The following PFAS variants were observed in gnomAD, a reference collection of about 807,000 sequenced individuals.
PFAS encodes the protein FGAM synthase.
In PFAS, 97 loss-of-function variants were observed where a neutral mutation model predicts 140.6. The observed-to-expected ratio is 0.69, with a 90% CI of 0.59 to 0.82. PFAS has a LOEUF of 0.82. Ranked by LOEUF, PFAS falls within the 40% of genes least tolerant of loss-of-function variation. PFAS has a pLI of 0.00. For missense variants in PFAS, 1,656 were observed against 1,780.2 expected (o/e 0.93, Z 1.26); for synonymous variants, 679 against 718.8 (o/e 0.94, Z 0.88).
At chr17:8,254,143 G>A in intron 2 of PFAS, 23 bp from the exon 3 acceptor site, 1 of 1,614,100 alleles carries the variant, frequency 6.2e-7, no homozygotes, top group South Asian at 1.1e-5. Flanking sequence ...GTCTCAAGGT[G>A]TCCTTGCCCT....
In PFAS at chr17:8,269,001, A is replaced by C; in HGVS notation, c.3754A>C (p.Arg1252=). 6.2e-7 allele frequency: 1 copy of C among 1,614,182 alleles called. No homozygotes were observed. The highest frequency in any genetic ancestry group is 1.3e-5 in the African/African-American group (1 of 75,056). Residue 1252 remains arginine, a synonymous_variant, in exon 28 of 28, where the codon AGG becomes CGG. Transcript: ENST00000314666. The part of the protein sequence containing the change: ...SPELQAQIEA[R]GLAPLHWADD... ...GGAACTCCAAGCTCAGATTGAGGCC[A>C]GGGGCTTGGCTCCACTGCACTGGGC...
In PFAS at chr17:8,257,907, T is replaced by G; in HGVS notation, c.1176T>G (p.Tyr392Ter). The G allele has an allele frequency of 6.2e-7, 1 of 1,614,126 alleles. No homozygotes were observed. Among genetic ancestry groups the G allele is most frequent in the South Asian group, 1.1e-5 (1 of 91,076 alleles). ...AIEASNGASD[Y>*]GNKFGEPVLA... is the part of the protein sequence containing the mutation. ...AAGCCAGTAATGGAGCTTCTGACTATGGCAACAAGTTTGGGGAACCAGTGC... is the reference window on the plus strand; with the variant it reads ...AAGCCAGTAATGGAGCTTCTGACTAGGGCAACAAGTTTGGGGAACCAGTGC... The change falls in exon 10 of 28, where the codon TAT (tyrosine) becomes TAG (stop). Residue 392 changes from tyrosine to a stop codon, truncating the protein, a stop_gained. Coordinates refer to ENST00000314666, the MANE Select transcript of PFAS (RefSeq NM_012393.3). LOFTEE classifies it high-confidence loss of function.
rs1989880867 is a variant in PFAS at position 8,267,832 on chromosome 17, A to C, written c.3382+167A>C. 6.7e-6 allele frequency among the ~76,000 whole-genome samples: 1 copy of C among 150,016 alleles called. No homozygotes were observed. The highest frequency in any genetic ancestry group is 6.7e-5 in the Admixed American group (1 of 14,914). ...AACAGAAGGCTGGTAGTAAATTTTTAATTTTTTCATTGAAAAAAAGTATAT... is the reference window on the plus strand; with the variant it reads ...AACAGAAGGCTGGTAGTAAATTTTTCATTTTTTCATTGAAAAAAAGTATAT... On this transcript the variant is annotated intron_variant, in intron 26 of 27. Coordinates refer to ENST00000314666, the MANE Select transcript of PFAS (RefSeq NM_012393.3). This position sits in a 1 kb window ranked among gnomAD's most constrained non-coding sequence, Gnocchi z 4.9.
At position 8,263,480 on chromosome 17, in the gene PFAS, C is replaced by T. The variant is rs933402196; in HGVS notation, c.1568-95C>T. 2.6e-6 allele frequency: 3 copies of T among 1,159,616 alleles called. No homozygotes were observed. The African/African-American group carries it at 4.5e-5, about 18-fold the overall frequency. The allele number at this position is 1,159,616 out of a possible 1,614,324, so 71.8% of individuals were successfully genotyped here. ...GGTGCGGCAGCAGTTGACACAGGAA[C>T]ACACCAAATTACAGGCCCCTTTGGA... is the stretch of plus-strand genomic sequence containing the variant. On this transcript the variant is annotated intron_variant, in intron 13 of 27. Coordinates refer to ENST00000314666, the MANE Select transcript of PFAS (RefSeq NM_012393.3).
intron 11 of PFAS, among the ~76,000 whole-genome samples, chr17:8,260,884 A>T (rs554926878): frequency 6.6e-6 from 1 of 152,238 alleles, no homozygotes; most frequent in Non-Finnish European, 1.5e-5. Flanking sequence ...TCAGCCTCCC[A>T]AAGTGCTGGG....
Position 8,257,951 on chromosome 17 carries a change from T to C in PFAS, c.1207+13T>C, listed in dbSNP as rs747692774. 6.2e-7 allele frequency: 1 copy of C among 1,612,788 alleles called. No individual in the cohort carries two copies. Among genetic ancestry groups the C allele is most frequent in the Admixed American group, 1.7e-5 (1 of 59,930 alleles). ...CCAGTGCTGGCTGGTGAGGCTGGGGTGTGGAGGGATGACAAACACCCAGAG... is the reference window on the plus strand; with the variant it reads ...CCAGTGCTGGCTGGTGAGGCTGGGGCGTGGAGGGATGACAAACACCCAGAG... On this transcript the variant is annotated intron_variant, in intron 10 of 27. Transcript: ENST00000314666.
At chr17:8,263,454 G>A in intron 13 of PFAS, 121 bp from the exon 14 acceptor site, 1 of 1,026,758 alleles carries the variant, frequency 9.7e-7, no homozygotes, top group Non-Finnish European at 1.5e-6. Context: ...TTGGTGGTAA[G>A]GGTGCGGCAG....
Position 8,256,563 on chromosome 17 carries a change from G to A in PFAS, c.861G>A (p.Glu287=). The A allele has an allele frequency of 6.2e-7, 1 of 1,614,134 alleles. No homozygotes were observed. Among genetic ancestry groups the A allele is most frequent in the South Asian group, 1.1e-5 (1 of 91,092 alleles). Residue 287 remains glutamate (E), a synonymous_variant, in exon 8 of 28, where the codon GAG becomes GAA. Coordinates refer to ENST00000314666, the MANE Select transcript of PFAS (RefSeq NM_012393.3). ...AGGAAGTCCGATTCCTACGGCCTGA[G>A]GACCCCACACGGCCAAGCCGCTTCC... is the stretch of plus-strand genomic sequence containing the variant. ...QGKEVRFLRP[E]DPTRPSRFQQ... is the part of the protein sequence containing the mutation.
Position 8,265,456 on chromosome 17 carries a change from G to T in PFAS, c.2449G>T (p.Val817Leu). ...SMAARVGTET[V>L]RAPGSLVISA... ...GGCTGCTCGGGTTGGCACTGAGACCGTGCGGGCTCCTGGTGAGGTGTGGGA... is the reference window on the plus strand; with the variant it reads ...GGCTGCTCGGGTTGGCACTGAGACCTTGCGGGCTCCTGGTGAGGTGTGGGA... Residue 817 changes from valine to leucine, a missense_variant, in exon 19 of 28, where the codon GTG (valine) becomes TTG (leucine). By Grantham distance (32) the Val-to-Leu change is conservative (BLOSUM62 1). This residue lies in a region of PFAS where 883 missense variants were observed against 1,023.0 expected (regional missense o/e 0.86). Transcript: ENST00000314666. 1 of 1,613,632 alleles carries T rather than the reference G, an allele frequency of 6.2e-7. No homozygotes were observed. The highest frequency in any genetic ancestry group is 1.1e-5 in the South Asian group (1 of 91,056).
rs557128555 is a variant in PFAS, at chr17:8,253,578, T to C, written c.-79-281T>C. Among the ~76,000 whole-genome samples the C allele has an allele frequency of 5.3e-5, 8 of 152,318 alleles. No homozygotes were observed. The East Asian group carries it at 1.3e-3, about 26-fold the overall frequency. On this transcript the variant is annotated intron_variant, in intron 1 of 27. Transcript: ENST00000314666. ...TATTGAGACGGAGTTTTGCTCTTGT[T>C]GCCCAGGCTGGAGTGCAATGGCGCG...
At position 8,268,834 on chromosome 17, in the gene PFAS, C is replaced by T. The variant is rs373732787; in HGVS notation, c.3684C>T (p.Pro1228=). 105 of 1,608,232 alleles carry T rather than the reference C, an allele frequency of 6.5e-5. No individual in the cohort carries two copies. The Admixed American group carries it at 1.3e-3, about 19-fold the overall frequency. The change falls in exon 27 of 28, where the codon CCC becomes CCT. Residue 1228 remains proline (P), a synonymous_variant. Transcript: ENST00000314666. ...MLRGMEGAVL[P]VWSAHGEGYV... is the part of the protein sequence containing the mutation. Reference sequence around the variant, plus strand: ...GAGGGATGGAGGGCGCCGTGCTGCCCGTGTGGAGTGCGCACGGGGAAGGTC... The same window carrying T: ...GAGGGATGGAGGGCGCCGTGCTGCCTGTGTGGAGTGCGCACGGGGAAGGTC...
chr17:8,264,067 G>GCA, intron 15 of PFAS, 131 bp downstream of exon 15: 2 of 1,454,746 alleles, frequency 1.4e-6, no homozygotes, highest in East Asian at 2.3e-5. Context: ...AAGCTGTGGG[G>GCA]AATGTTGGAT....
chr17:8,264,411 C>A, intron 16 of PFAS, 59 bp from the exon 17 acceptor site: 1 of 1,611,928 alleles, frequency 6.2e-7, no homozygotes, highest in Non-Finnish European at 8.5e-7. Context: ...TGCACTTTGT[C>A]GCCTGTGTGC....
intron 3 of PFAS, 40 bp from the exon 4 acceptor site, chr17:8,254,987 C>G: frequency 6.9e-7 from 1 of 1,443,494 alleles, no homozygotes; most frequent in South Asian, 1.1e-5. Context: ...TGAGGCCTGC[C>G]GGGGGTTCTC....
rs778035459 is a variant in PFAS at position 8,267,350 on chromosome 17, A to G, written c.3176-22A>G. The stretch of plus-strand genomic sequence containing the variant: ...GGTGGGGAAGTGACTTTCTGGCCCA[A>G]AGACACTTATTCTCCCCCAAGGTGG... On this transcript the variant is annotated intron_variant, in intron 24 of 27. Transcript: ENST00000314666. The surrounding 1 kb of genome is among the most constrained non-coding windows in gnomAD (Gnocchi z 4.9). 2 of 1,611,458 alleles carry G rather than the reference A, an allele frequency of 1.2e-6. No individual in the cohort carries two copies. The highest frequency in any genetic ancestry group is 1.7e-4 in the Middle Eastern group (1 of 6,046).
chr17:8,251,725 G>A (rs996892140), intron 1 of PFAS, among the ~76,000 whole-genome samples: 41 of 142,900 alleles, frequency 2.9e-4, no homozygotes, highest in South Asian at 2.2e-4. Context: ...AGGCTGGAGT[G>A]CAATGGCTCA....
chr17:8,257,513 G>A (rs376178737), intron 9 of PFAS, among the ~76,000 whole-genome samples: 15 of 152,086 alleles, frequency 9.9e-5, no homozygotes, highest in Admixed American at 4.6e-4. Flanking sequence ...CCAAGATCAC[G>A]CCACTGCACG....
At position 8,263,250 on chromosome 17, in the gene PFAS, G is replaced by A. The variant is rs1261519288; in HGVS notation, c.1552G>A (p.Gly518Ser). The A allele has an allele frequency of 6.2e-7, 1 of 1,614,170 alleles. No individual in the cohort carries two copies. Among genetic ancestry groups the A allele is most frequent in the Non-Finnish European group, 8.5e-7 (1 of 1,180,030 alleles). ...CCCCATCTGCAGCCTTCATGATCAG[G>A]GCGCTGGTGGCAATGGTGAGGAAAG... ...GNPICSLHDQ[G>S]AGGNGNVLKE... The change falls in exon 13 of 28, where the codon GGC becomes AGC. Residue 518 changes from glycine to serine, a missense_variant. By Grantham distance (56) the Gly-to-Ser change is moderately conservative. Around this residue, in one of 2 missense-constraint regions of PFAS, gnomAD observed 773 missense variants for 757.3 expected, o/e 1.02. Coordinates refer to ENST00000314666, the MANE Select transcript of PFAS (RefSeq NM_012393.3).
chr17:8,249,834 T>G (rs1989077960), intron 1 of PFAS, among the ~76,000 whole-genome samples: 1 of 152,260 alleles, frequency 6.6e-6, no homozygotes, highest in Non-Finnish European at 1.5e-5. Flanking sequence ...TTTTTGCGTT[T>G]CAAGCCCTGG....
Sources: allele counts gnomAD v4.1 joint callset (sites outside exome capture counted in the v4.1 genomes callset), GRCh38; gene constraint gnomAD v4.1.1; regional missense constraint gnomAD v4.1.1; non-coding constraint Gnocchi (gnomAD v3.1); transcripts MANE v1.5; gene names NCBI Gene and HGNC (gene_info 2026-07-23, HGNC 2026-07-21).